Variants in ST6GALNAC3 observed in about 807,000 individuals in gnomAD.
ST6GALNAC3 encodes the protein ST6 N-acetylgalactosaminide alpha-2,6-sialyltransferase 3.
Under a neutral mutation model 32.7 loss-of-function variants are expected in ST6GALNAC3, and 25 were observed. The observed-to-expected ratio is 0.76, with a 90% confidence interval of 0.56 to 1.07. The LOEUF is 1.07. Among genes scored for constraint, ST6GALNAC3 ranks in the 50% least tolerant of loss-of-function variants. The pLI is 0.00. For synonymous variants in ST6GALNAC3, 129 were observed against 133.1 expected (o/e 0.97, Z 0.21); for missense variants, 355 against 382.4 (o/e 0.93, Z 0.60).
intron 3 of ST6GALNAC3, among the ~76,000 whole-genome samples, chr1:76,498,307 T>A (rs1312852610): frequency 6.6e-6 from 1 of 152,202 alleles, no homozygotes; most frequent in Non-Finnish European, 1.5e-5. Flanking sequence ...ACCAGTTTGC[T>A]CTTTCTTTTT....
chr1:76,553,016 A>T (rs567924102), intron 3 of ST6GALNAC3, among the ~76,000 whole-genome samples: 4 of 152,234 alleles, frequency 2.6e-5, no homozygotes, highest in African/African-American at 9.6e-5. Flanking sequence ...TTAATTTGTT[A>T]TTATTGGGTA....
intron 1 of ST6GALNAC3, among the ~76,000 whole-genome samples, chr1:76,286,483 A>T (rs1467541004): frequency 6.6e-6 from 1 of 152,236 alleles, no homozygotes; most frequent in Non-Finnish European, 1.5e-5. Flanking sequence ...ATCGGACGCC[A>T]GTCTCCTATA....
intron 2 of ST6GALNAC3, among the ~76,000 whole-genome samples, chr1:76,319,483 G>C (rs1033506562): frequency 2.0e-5 from 3 of 152,132 alleles, no homozygotes; most frequent in African/African-American, 7.2e-5. Flanking sequence ...TATGGTTATA[G>C]TAACAATTAA....
intron 1 of ST6GALNAC3, among the ~76,000 whole-genome samples, chr1:76,192,669 A>G (rs552038686): frequency 6.6e-6 from 1 of 152,300 alleles, no homozygotes; most frequent in Non-Finnish European, 1.5e-5. Flanking sequence ...CCTTAACTGG[A>G]ATATTCACAG....
intron 1 of ST6GALNAC3, among the ~76,000 whole-genome samples, chr1:76,294,330 G>T (rs11162117): frequency 0.042 from 6,312 of 151,676 alleles, 425 homozygotes; most frequent in African/African-American, 0.14. Flanking sequence ...CTGGGAAACA[G>T]TTTCTTTTTT....
At chr1:76,466,873 CTT>C (rs757784116) in intron 3 of ST6GALNAC3, among the ~76,000 whole-genome samples, 1 of 152,044 alleles carries the variant, frequency 6.6e-6, no homozygotes. Context: ...AAGAAGCAGA[CTT>C]CGCTAAAATT....
chr1:76,110,002 A>T (rs56309855), intron 1 of ST6GALNAC3, among the ~76,000 whole-genome samples: 9,662 of 152,308 alleles, frequency 0.063, 1,045 homozygotes, highest in African/African-American at 0.22. Context: ...CTTTGAGAGG[A>T]TCAGGCAGTG....
At chr1:76,259,625 C>T (rs968608297) in intron 1 of ST6GALNAC3, among the ~76,000 whole-genome samples, 4 of 152,150 alleles carry the variant, frequency 2.6e-5, no homozygotes, top group Non-Finnish European at 4.4e-5. Context: ...AAGCAACCAA[C>T]ATTCTATAGA....
At chr1:76,425,532 A>G (rs943972058) in intron 3 of ST6GALNAC3, among the ~76,000 whole-genome samples, 1 of 151,910 alleles carries the variant, frequency 6.6e-6, no homozygotes, top group Non-Finnish European at 1.5e-5. Context: ...ATTGTTCTAG[A>G]TGTGGGGAAT....
chr1:76,207,152 C>G (rs1470072489), intron 1 of ST6GALNAC3, among the ~76,000 whole-genome samples: 2 of 152,148 alleles, frequency 1.3e-5, no homozygotes, highest in Middle Eastern at 3.2e-3. Flanking sequence ...TTTAACTATC[C>G]TCAGAGTTCC....
chr1:76,226,179 A>G (rs1056362705), intron 1 of ST6GALNAC3, among the ~76,000 whole-genome samples: 3 of 152,194 alleles, frequency 2.0e-5, no homozygotes, highest in African/African-American at 7.2e-5. Context: ...TGTCTGGCAG[A>G]TAGTAGAGGG....
Position 76,521,991 on chromosome 1 carries a change from C to T in ST6GALNAC3, c.624-105461C>T, listed in dbSNP as rs573615585. On this transcript the variant is annotated intron_variant, in intron 3 of 4. Transcript: ENST00000328299. ...GGCTGAGGCAAGAGAATTGCTTGAA[C>T]TCAGGAACTCAGGAGGTGGAGGTTG... Among the ~76,000 whole-genome samples, 57 of 151,550 alleles carry T rather than the reference C, an allele frequency of 3.8e-4. 3 individuals are homozygous for T. The South Asian group carries it at 0.011, about 30-fold the overall frequency.
intron 1 of ST6GALNAC3, among the ~76,000 whole-genome samples, chr1:76,188,033 A>G (rs1336316503): frequency 3.3e-5 from 5 of 152,232 alleles, no homozygotes; most frequent in Non-Finnish European, 5.9e-5. Flanking sequence ...AGGAGCAGTC[A>G]TGAACAGCCT....
intron 2 of ST6GALNAC3, among the ~76,000 whole-genome samples, chr1:76,362,948 T>A (rs1557824011): frequency 2.0e-5 from 3 of 152,136 alleles, no homozygotes; most frequent in Admixed American, 1.3e-4. Flanking sequence ...TTCTCACAGC[T>A]CCTCTAGGCA....
At chr1:76,102,653 T>G (rs1647274292) in intron 1 of ST6GALNAC3, among the ~76,000 whole-genome samples, 1 of 152,154 alleles carries the variant, frequency 6.6e-6, no homozygotes. Flanking sequence ...ACCACTTTAA[T>G]GGCATTTATC....
intron 2 of ST6GALNAC3, among the ~76,000 whole-genome samples, chr1:76,407,816 A>C (rs1653939990): frequency 6.6e-6 from 1 of 152,104 alleles, no homozygotes; most frequent in Non-Finnish European, 1.5e-5. Flanking sequence ...GTCTAGAAAG[A>C]AAGAGTAACT....
At chr1:76,467,055 T>C (rs1658681632) in intron 3 of ST6GALNAC3, among the ~76,000 whole-genome samples, 1 of 152,030 alleles carries the variant, frequency 6.6e-6, no homozygotes, top group Non-Finnish European at 1.5e-5. Flanking sequence ...GACCTGAAAG[T>C]GTCAAGGATT....
chr1:76,126,422 C>A (rs1649246810), intron 1 of ST6GALNAC3, among the ~76,000 whole-genome samples: 1 of 82,682 alleles, frequency 1.2e-5, no homozygotes, highest in Non-Finnish European at 2.6e-5. Flanking sequence ...CTCCCTCCTG[C>A]CTTTCCTTCC....
At chr1:76,555,263 C>T (rs1361813757) in intron 3 of ST6GALNAC3, among the ~76,000 whole-genome samples, 1 of 152,090 alleles carries the variant, frequency 6.6e-6, no homozygotes, top group Non-Finnish European at 1.5e-5. Flanking sequence ...AAAACACACA[C>T]ACAAGAAATT....
Sources: allele counts gnomAD v4.1 joint callset (sites outside exome capture counted in the v4.1 genomes callset), GRCh38; gene constraint gnomAD v4.1.1; transcripts MANE v1.5; gene names NCBI Gene and HGNC (gene_info 2026-07-23, HGNC 2026-07-21).